Variants in CCDC177 observed in about 807,000 individuals in gnomAD.
The protein encoded by CCDC177 is coiled-coil domain containing 177.
Under a neutral mutation model 7.3 loss-of-function variants are expected in CCDC177, and 2 were observed. The observed-to-expected ratio is 0.28, with a 90% confidence interval of 0.11 to 0.87. The LOEUF (loss-of-function observed/expected upper bound fraction) is 0.87, where lower values mean the gene tolerates loss of function less well. Among genes scored for constraint, CCDC177 ranks in the 40% least tolerant of loss-of-function variants. CCDC177 has a pLI of 0.61. For missense variants in CCDC177, 874 were observed against 970.5 expected (o/e 0.90, Z 1.32); for synonymous variants, 401 against 449.2 (o/e 0.89, Z 1.36).
At position 69,570,243 on chromosome 14, in the gene CCDC177, T is replaced by G. The variant is rs1476396577; in HGVS notation, c.*1256A>C. ...AACAAATAATACTGACATGGTGCTT[T>G]GGATCCAGGAGGCCTTGCGGTACCA... On this transcript the variant is annotated 3_prime_UTR_variant, in exon 2 of 2. Transcript: ENST00000599174. The G allele has an allele frequency of 6.5e-6, 1 of 155,032 alleles. No individual in the cohort carries two copies. Among genetic ancestry groups the G allele is most frequent in the Non-Finnish European group, 1.4e-5 (1 of 69,730 alleles). The allele number at this position is 155,032 out of a possible 1,614,324, so 9.6% of individuals were successfully genotyped here.
Position 69,571,184 on chromosome 14 carries a change from TC to T in CCDC177, c.*314del, listed in dbSNP as rs1446942777. 1.9e-6 allele frequency: 1 copy of T among 523,182 alleles called. No individual in the cohort carries two copies. The highest frequency in any genetic ancestry group is 3.5e-6 in the Non-Finnish European group (1 of 288,602). 32.4% of individuals were successfully genotyped at this position (523,182 alleles called of 1,614,324 possible). ...CTCTCCTGGGGGGCCCTCTCACCAG[TC>T]CTGATCAGCCCCTTTCCCCCAAGCT... On this transcript the variant is annotated 3_prime_UTR_variant, in exon 2 of 2. Coordinates refer to ENST00000599174, the MANE Select transcript of CCDC177 (RefSeq NM_001271507.2).
chr14:69,572,395 C>T lies in CCDC177; in HGVS notation c.1228G>A (p.Glu410Lys), dbSNP rs1042189662. The T allele has an allele frequency of 1.6e-6, 2 of 1,222,654 alleles. No homozygotes were observed. The highest frequency in any genetic ancestry group is 3.2e-4 in the Middle Eastern group (1 of 3,158). 75.7% of individuals were successfully genotyped at this position (1,222,654 alleles called of 1,614,324 possible). The change falls in exon 2 of 2, where the codon GAG becomes AAG. Residue 410 changes from glutamate (E) to lysine (K), a missense_variant. Glu to Lys is a moderately conservative substitution (Grantham distance 56). Coordinates refer to ENST00000599174, the MANE Select transcript of CCDC177 (RefSeq NM_001271507.2). ...EERRGRRGREEREAARRRQRQ... is the reference protein window; with the variant it reads ...EERRGRRGREKREAARRRQRQ... ...TGCCGCCGCCGCGCCGCCTCGCGCTCTTCGCGGCCACGGCGGCCTCGCCGC... is the reference window on the plus strand; with the variant it reads ...TGCCGCCGCCGCGCCGCCTCGCGCTTTTCGCGGCCACGGCGGCCTCGCCGC...
At position 69,573,493 on chromosome 14, in the gene CCDC177, C is replaced by A. The variant is rs762252992; in HGVS notation, c.130G>T (p.Ala44Ser). ...CGGGGCACCGCCGCGGAGGCCGAGG[C>A]CGAGGCCGAGGAAGCTGCGGGCTCC... ...AQEPAASSAS[A>S]SASAAVPRKA... The change falls in exon 2 of 2, where the codon GCC becomes TCC. Residue 44 changes from alanine (A) to serine (S), a missense_variant. Physicochemically the swap from Ala to Ser is moderately conservative, Grantham distance 99 (BLOSUM62 1). Transcript: ENST00000599174. 1.6e-6 allele frequency: 2 copies of A among 1,231,076 alleles called. No individual in the cohort carries two copies. The highest frequency in any genetic ancestry group is 2.0e-6 in the Non-Finnish European group (2 of 987,524). The allele number at this position is 1,231,076 out of a possible 1,614,324, so 76.3% of individuals were successfully genotyped here.
rs1235847462 is a variant in CCDC177 at position 69,569,935 on chromosome 14, T to C, written c.*1564A>G. Reference sequence around the variant, plus strand: ...GTGATGTTTTACTTCCCACCTTCCTTGATGAAGGCAGAGTCAATGGGTGGA... The same window carrying C: ...GTGATGTTTTACTTCCCACCTTCCTCGATGAAGGCAGAGTCAATGGGTGGA... On this transcript the variant is annotated 3_prime_UTR_variant, in exon 2 of 2. Coordinates refer to ENST00000599174, the MANE Select transcript of CCDC177 (RefSeq NM_001271507.2). 6.6e-6 allele frequency: 1 copy of C among 152,170 alleles called. No homozygotes were observed. Among genetic ancestry groups the C allele is most frequent in the Non-Finnish European group, 1.5e-5 (1 of 68,030 alleles). The allele number at this position is 152,170 out of a possible 1,614,324, so 9.4% of individuals were successfully genotyped here. A position where few individuals can be genotyped will look rare whatever the true frequency, so the allele number is the denominator to read the frequency against.
Position 69,572,164 on chromosome 14 carries a change from C to T in CCDC177, c.1459G>A (p.Ala487Thr). The stretch of plus-strand genomic sequence containing the variant: ...CCCTCCTGCCGCTGCTTGGCGCGGG[C>T]CGCGCGCTGGGCGCGCTCCCTGCGG... ...QIRRERAQRA[A>T]RAKQRQEGQL... is the part of the protein sequence containing the mutation. Residue 487 changes from alanine (A) to threonine (T), a missense_variant, in exon 2 of 2, where the codon GCC becomes ACC. Ala to Thr is a moderately conservative substitution (Grantham distance 58, BLOSUM62 0). Coordinates refer to ENST00000599174, the MANE Select transcript of CCDC177 (RefSeq NM_001271507.2). 8.1e-7 allele frequency: 1 copy of T among 1,229,816 alleles called. No homozygotes were observed. Among genetic ancestry groups the T allele is most frequent in the South Asian group, 4.1e-5 (1 of 24,298 alleles). 76.2% of individuals were successfully genotyped at this position (1,229,816 alleles called of 1,614,324 possible). A position where few individuals can be genotyped will look rare whatever the true frequency, so the allele number is the denominator to read the frequency against.
In CCDC177 at chr14:69,572,334, TC is replaced by T. The variant is rs1455856015; in HGVS notation, c.1288del (p.Glu430SerfsTer32). 8.2e-7 allele frequency: 1 copy of T among 1,225,742 alleles called. No individual in the cohort carries two copies. Among genetic ancestry groups the T allele is most frequent in the Non-Finnish European group, 1.0e-6 (1 of 984,332 alleles). 75.9% of individuals were successfully genotyped at this position (1,225,742 alleles called of 1,614,324 possible). A position where few individuals can be genotyped will look rare whatever the true frequency, so the allele number is the denominator to read the frequency against. On this transcript the variant is annotated frameshift_variant, in exon 2 of 2. Coordinates refer to ENST00000599174, the MANE Select transcript of CCDC177 (RefSeq NM_001271507.2). LOFTEE classifies it low-confidence loss of function (END_TRUNC). Reference protein sequence around the residue: ...QYERSEERRRELAERQGLLRR... With the variant: ...QYERSEERRRXLAERQGLLRR... The stretch of plus-strand genomic sequence containing the variant: ...CAGGAGGCCCTGGCGTTCGGCCAGC[TC>T]CCGCCGCCGCTCCTCGCTGCGCTCG...
Position 69,572,187 on chromosome 14 carries a change from C to T in CCDC177, c.1436G>A (p.Arg479His), listed in dbSNP as rs369508213. The T allele has an allele frequency of 8.9e-6, 11 of 1,229,490 alleles. No individual in the cohort carries two copies. The South Asian group carries it at 4.1e-4, about 46-fold the overall frequency. 76.2% of individuals were successfully genotyped at this position (1,229,490 alleles called of 1,614,324 possible). The change falls in exon 2 of 2, where the codon CGC becomes CAC. Residue 479 changes from arginine (R) to histidine (H), a missense_variant. Physicochemically the swap from Arg to His is conservative, Grantham distance 29. Transcript: ENST00000599174. The part of the protein sequence containing the change: ...QEGRERAEQI[R>H]RERAQRAARA... ...GGCCGCGCGCTGGGCGCGCTCCCTGCGGATCTGCTCAGCCCGCTCCCGCCC... is the reference window on the plus strand; with the variant it reads ...GGCCGCGCGCTGGGCGCGCTCCCTGTGGATCTGCTCAGCCCGCTCCCGCCC...
In CCDC177 at chr14:69,570,248, C is replaced by T. The variant is rs76930190; in HGVS notation, c.*1251G>A. On this transcript the variant is annotated 3_prime_UTR_variant, in exon 2 of 2. Transcript: ENST00000599174. ...ATAATACTGACATGGTGCTTTGGAT[C>T]CAGGAGGCCTTGCGGTACCAGGAGA... The T allele has an allele frequency of 8.1e-3, 1,258 of 155,214 alleles. 18 individuals are homozygous for T. The highest frequency in any genetic ancestry group is 0.021 in the African/African-American group (865 of 41,548). 9.6% of individuals were successfully genotyped at this position (155,214 alleles called of 1,614,324 possible).
In CCDC177 at chr14:69,572,136, T is replaced by G. The variant is rs1466972635; in HGVS notation, c.1487A>C (p.Gln496Pro). Residue 496 changes from glutamine (Q) to proline (P), a missense_variant, in exon 2 of 2, where the codon CAG (glutamine) becomes CCG (proline). Gln to Pro is a moderately conservative substitution (Grantham distance 76). Coordinates refer to ENST00000599174, the MANE Select transcript of CCDC177 (RefSeq NM_001271507.2). Reference sequence around the variant, plus strand: ...CAGCTCCCGCTTCTCCCGCTGCAGCTGGCCCTCCTGCCGCTGCTTGGCGCG... The same window carrying G: ...CAGCTCCCGCTTCTCCCGCTGCAGCGGGCCCTCCTGCCGCTGCTTGGCGCG... ...AARAKQRQEGQLQREKRELSR... is the reference protein window; with the variant it reads ...AARAKQRQEGPLQREKRELSR... 8.1e-7 allele frequency: 1 copy of G among 1,230,874 alleles called. No homozygotes were observed. The highest frequency in any genetic ancestry group is 3.2e-5 in the East Asian group (1 of 31,654). 76.2% of individuals were successfully genotyped at this position (1,230,874 alleles called of 1,614,324 possible).
Position 69,572,280 on chromosome 14 carries a change from C to T in CCDC177, c.1343G>A (p.Arg448Gln), listed in dbSNP as rs1595012285. 2 of 1,228,408 alleles carry T rather than the reference C, an allele frequency of 1.6e-6. No individual in the cohort carries two copies. The highest frequency in any genetic ancestry group is 3.2e-5 in the East Asian group (1 of 31,494). 76.1% of individuals were successfully genotyped at this position (1,228,408 alleles called of 1,614,324 possible). Residue 448 changes from arginine to glutamine, a missense_variant, in exon 2 of 2, where the codon CGG becomes CAG. Physicochemically the swap from Arg to Gln is conservative, Grantham distance 43 (BLOSUM62 1). Transcript: ENST00000599174. ...CTGAAGCTTGCGCAGCCGATCCTCC[C>T]GGGCCGCGCGCTCCGCCCGCTCCCG... ...LRRERAERAA[R>Q]EDRLRKLQQE...
rs2139565896 is a variant in CCDC177, at chr14:69,573,698, C to A, written c.-28-48G>T. ...TCGAGGAATACGTCTGAGAGCTCTT[C>A]CCCCCTCCTCATCCATAGTCACCCC... On this transcript the variant is annotated intron_variant, in intron 1 of 1. Transcript: ENST00000599174. The A allele has an allele frequency of 7.3e-6, 9 of 1,227,212 alleles. No homozygotes were observed. In the South Asian group the frequency reaches 2.1e-4, roughly 28 times the overall value. 76.0% of individuals were successfully genotyped at this position (1,227,212 alleles called of 1,614,324 possible). A position where few individuals can be genotyped will look rare whatever the true frequency, so the allele number is the denominator to read the frequency against.
In CCDC177 at chr14:69,573,505, A is replaced by T; in HGVS notation, c.118T>A (p.Ser40Thr). 8.2e-7 allele frequency: 1 copy of T among 1,221,218 alleles called. No homozygotes were observed. The highest frequency in any genetic ancestry group is 1.0e-6 in the Non-Finnish European group (1 of 979,276). 75.6% of individuals were successfully genotyped at this position (1,221,218 alleles called of 1,614,324 possible). A position where few individuals can be genotyped will look rare whatever the true frequency, so the allele number is the denominator to read the frequency against. ...GCGGAGGCCGAGGCCGAGGCCGAGG[A>T]AGCTGCGGGCTCCTGTGCGCCCTGG... ...DSQGAQEPAA[S>T]SASASASAAV... is the part of the protein sequence containing the mutation. The change falls in exon 2 of 2, where the codon TCC becomes ACC. Residue 40 changes from serine to threonine, a missense_variant. Ser to Thr is a moderately conservative substitution (Grantham distance 58, BLOSUM62 1). Transcript: ENST00000599174.
In CCDC177 at chr14:69,571,534, C is replaced by G; in HGVS notation, c.2089G>C (p.Glu697Gln). 1 of 1,240,956 alleles carries G rather than the reference C, an allele frequency of 8.1e-7. No individual in the cohort carries two copies. The highest frequency in any genetic ancestry group is 1.0e-6 in the Non-Finnish European group (1 of 992,694). 76.9% of individuals were successfully genotyped at this position (1,240,956 alleles called of 1,614,324 possible). A position where few individuals can be genotyped will look rare whatever the true frequency, so the allele number is the denominator to read the frequency against. The change falls in exon 2 of 2, where the codon GAG (glutamate) becomes CAG (glutamine). Residue 697 changes from glutamate (E) to glutamine (Q), a missense_variant. Glu to Gln is a conservative substitution (Grantham distance 29). Transcript: ENST00000599174. ...NTRSFDRMVR[E>Q]AQLHASLDRK The stretch of plus-strand genomic sequence containing the variant: ...TCCAGGCTGGCGTGTAGCTGGGCCT[C>G]CCGCACCATGCGGTCGAAGGATCGC...
rs1191800718 is a variant in CCDC177 at position 69,570,987 on chromosome 14, A to C, written c.*512T>G. 2 of 460,114 alleles carry C rather than the reference A, an allele frequency of 4.3e-6. No individual in the cohort carries two copies. The highest frequency in any genetic ancestry group is 2.3e-5 in the Admixed American group (1 of 42,630). 28.5% of individuals were successfully genotyped at this position (460,114 alleles called of 1,614,324 possible). A position where few individuals can be genotyped will look rare whatever the true frequency, so the allele number is the denominator to read the frequency against. On this transcript the variant is annotated 3_prime_UTR_variant, in exon 2 of 2. Coordinates refer to ENST00000599174, the MANE Select transcript of CCDC177 (RefSeq NM_001271507.2). ...TGGGCGTGGCTTGACACCTTGGAGG[A>C]GCTGTGTTTCTCTGGGAGGCCTCCG...
chr14:69,573,549 G>A lies in CCDC177; in HGVS notation c.74C>T (p.Ala25Val), dbSNP rs940171453. 14 of 1,231,660 alleles carry A rather than the reference G, an allele frequency of 1.1e-5. No homozygotes were observed. The highest frequency in any genetic ancestry group is 3.1e-5 in the African/African-American group (2 of 64,440). The allele number at this position is 1,231,660 out of a possible 1,614,324, so 76.3% of individuals were successfully genotyped here. A position where few individuals can be genotyped will look rare whatever the true frequency, so the allele number is the denominator to read the frequency against. The change falls in exon 2 of 2, where the codon GCG becomes GTG. Residue 25 changes from alanine (A) to valine (V), a missense_variant. By Grantham distance (64) the Ala-to-Val change is moderately conservative (BLOSUM62 0). Transcript: ENST00000599174. ...PGDSGGDEAV[A>V]SVPPDSQGAQ... ...GCCCTGGGAATCAGGGGGCACGGAC[G>A]CCACGGCCTCGTCCCCTCCAGAGTC...
rs894632880 is a variant in CCDC177, at chr14:69,572,593, G to C, written c.1030C>G (p.Leu344Val). ...TCCTCCTGGTGCCGCGCCAGCATGA[G>C]CGCCGCGATCTTCCGGTCACGCTCC... ...VPERDRKIAA[L>V]MLARHQEELL... The change falls in exon 2 of 2, where the codon CTC becomes GTC. Residue 344 changes from leucine (L) to valine (V), a missense_variant. Transcript: ENST00000599174. 1.0e-4 allele frequency: 129 copies of C among 1,231,256 alleles called. No individual in the cohort carries two copies. Among genetic ancestry groups the C allele is most frequent in the Non-Finnish European group, 1.3e-4 (126 of 987,604 alleles). 76.3% of individuals were successfully genotyped at this position (1,231,256 alleles called of 1,614,324 possible).
chr14:69,573,318 C>T lies in CCDC177; in HGVS notation c.305G>A (p.Arg102His). 2 of 1,231,382 alleles carry T rather than the reference C, an allele frequency of 1.6e-6. No homozygotes were observed. The highest frequency in any genetic ancestry group is 4.1e-5 in the South Asian group (1 of 24,330). The allele number at this position is 1,231,382 out of a possible 1,614,324, so 76.3% of individuals were successfully genotyped here. Residue 102 changes from arginine (R) to histidine (H), a missense_variant, in exon 2 of 2, where the codon CGC (arginine) becomes CAC (histidine). By Grantham distance (29) the Arg-to-His change is conservative. Transcript: ENST00000599174. ...TSPRSLEACA[R>H]CAVKPVELLP... ...CAGCTCCACCGGCTTGACCGCACAGCGGGCGCAGGCCTCTAGCGAGCGGGG... is the reference window on the plus strand; with the variant it reads ...CAGCTCCACCGGCTTGACCGCACAGTGGGCGCAGGCCTCTAGCGAGCGGGG...
chr14:69,571,752 G>A lies in CCDC177; in HGVS notation c.1871C>T (p.Ala624Val), dbSNP rs1414657766. 21 of 1,231,464 alleles carry A rather than the reference G, an allele frequency of 1.7e-5. No individual in the cohort carries two copies. The East Asian group carries it at 6.3e-4, about 37-fold the overall frequency. 76.3% of individuals were successfully genotyped at this position (1,231,464 alleles called of 1,614,324 possible). The part of the protein sequence containing the change: ...VGQSRLEKER[A>V]QRANKEKVER... ...CACCTTCTCCTTGTTGGCGCGCTGG[G>A]CTCGTTCCTTCTCCAGCCGGCTCTG... is the stretch of plus-strand genomic sequence containing the variant. The change falls in exon 2 of 2, where the codon GCC (alanine) becomes GTC (valine). Residue 624 changes from alanine (A) to valine (V), a missense_variant. By Grantham distance (64) the Ala-to-Val change is moderately conservative. Coordinates refer to ENST00000599174, the MANE Select transcript of CCDC177 (RefSeq NM_001271507.2).
At position 69,571,545 on chromosome 14, in the gene CCDC177, C is replaced by A. The variant is rs563693885; in HGVS notation, c.2078G>T (p.Arg693Leu). 8.1e-7 allele frequency: 1 copy of A among 1,238,362 alleles called. No individual in the cohort carries two copies. Among genetic ancestry groups the A allele is most frequent in the South Asian group, 4.0e-5 (1 of 25,040 alleles). 76.7% of individuals were successfully genotyped at this position (1,238,362 alleles called of 1,614,324 possible). A position where few individuals can be genotyped will look rare whatever the true frequency, so the allele number is the denominator to read the frequency against. Residue 693 changes from arginine to leucine, a missense_variant, in exon 2 of 2, where the codon CGC (arginine) becomes CTC (leucine). Transcript: ENST00000599174. ...GTGTAGCTGGGCCTCCCGCACCATGCGGTCGAAGGATCGCGTGTTGGTCTC... is the reference window on the plus strand; with the variant it reads ...GTGTAGCTGGGCCTCCCGCACCATGAGGTCGAAGGATCGCGTGTTGGTCTC... ...REETNTRSFDRMVREAQLHAS... is the reference protein window; with the variant it reads ...REETNTRSFDLMVREAQLHAS...
Sources: allele counts gnomAD v4.1 joint callset, GRCh38; gene constraint gnomAD v4.1.1; transcripts MANE v1.5; gene names NCBI Gene and HGNC (gene_info 2026-07-23, HGNC 2026-07-21).